The following C18orf63 variants were observed in gnomAD, a reference collection of about 807,000 sequenced individuals.
C18orf63 encodes chromosome 18 open reading frame 63.
In C18orf63, 50 loss-of-function variants were observed where a neutral mutation model predicts 75.3. The ratio of observed to expected loss-of-function variants is 0.66; its 90% CI spans 0.53 to 0.84. The LOEUF is 0.84. Ranked by LOEUF, C18orf63 falls within the 40% of genes least tolerant of loss-of-function variation. C18orf63 has a pLI of 0.00. For synonymous variants in C18orf63, 232 were observed against 267.6 expected (o/e 0.87, Z 1.30); for missense variants, 732 against 800.2 (o/e 0.91, Z 1.03).
chr18:74,328,940 A>G, intron 5 of C18orf63, 55 bp from the exon 6 acceptor site: 3 of 952,046 alleles, frequency 3.2e-6, no homozygotes, highest in Non-Finnish European at 4.9e-6. Flanking sequence ...TATAAATATC[A>G]AGCATGATTA....
chr18:74,353,898 A>G lies in C18orf63; in HGVS notation c.1631A>G (p.Asn544Ser). Reference sequence around the variant, plus strand: ...TTAAACAAAAATAAGCAACTATCTAATAGTGCAGTATTTGTGGTGTCAAAT... The same window carrying G: ...TTAAACAAAAATAAGCAACTATCTAGTAGTGCAGTATTTGTGGTGTCAAAT... ...VSLNKNKQLS[N>S]SAVFVVSNNN... The change falls in exon 12 of 14, where the codon AAT becomes AGT. Residue 544 changes from asparagine to serine, a missense_variant. Physicochemically the swap from Asn to Ser is conservative, Grantham distance 46 (BLOSUM62 1). Coordinates refer to ENST00000579455, the MANE Select transcript of C18orf63 (RefSeq NM_001174123.2). 2.6e-6 allele frequency: 4 copies of G among 1,536,000 alleles called. No individual in the cohort carries two copies. The highest frequency in any genetic ancestry group is 3.5e-6 in the Non-Finnish European group (4 of 1,146,818).
At chr18:74,332,550 A>G (rs1359589329) in intron 7 of C18orf63, among the ~76,000 whole-genome samples, 4 of 152,002 alleles carry the variant, frequency 2.6e-5, no homozygotes. Flanking sequence ...TAAAAATACA[A>G]ACATTAGCTG....
chr18:74,316,284 A>G (rs999113514), intron 1 of C18orf63, among the ~76,000 whole-genome samples, 175 bp downstream of exon 1: 2 of 152,094 alleles, frequency 1.3e-5, no homozygotes, highest in Non-Finnish European at 2.9e-5. Flanking sequence ...GCATTTCATT[A>G]TATCGGAAAT....
chr18:74,350,454 A>G (rs756078685), intron 11 of C18orf63, among the ~76,000 whole-genome samples: 5 of 152,206 alleles, frequency 3.3e-5, no homozygotes, highest in Middle Eastern at 3.4e-3. Context: ...TGTTCTTATG[A>G]AAAGGGGCAA....
Position 74,328,046 on chromosome 18 carries a change from C to T in C18orf63, c.370C>T (p.Leu124Phe), listed in dbSNP as rs1815051754. Reference sequence around the variant, plus strand: ...TCCAGCCTGGAATAGAACTGGTCATCTCTTGATACAAGGTAACTTTATCTT... The same window carrying T: ...TCCAGCCTGGAATAGAACTGGTCATTTCTTGATACAAGGTAACTTTATCTT... ...LAPAWNRTGH[L>F]LIQGRDFLSQ... The change falls in exon 5 of 14, where the codon CTC (leucine) becomes TTC (phenylalanine). Residue 124 changes from leucine to phenylalanine, a missense_variant. Leu to Phe is a conservative substitution (Grantham distance 22). This residue lies in a region of C18orf63 where 233 missense variants were observed against 272.7 expected (regional missense o/e 0.85). Coordinates refer to ENST00000579455, the MANE Select transcript of C18orf63 (RefSeq NM_001174123.2). The T allele has an allele frequency of 4.6e-6, 7 of 1,524,604 alleles. 1 individual carries two copies. The Admixed American group carries it at 1.2e-4, about 26-fold the overall frequency. The allele number at this position is 1,524,604 out of a possible 1,614,324, so 94.4% of individuals were successfully genotyped here. A position where few individuals can be genotyped will look rare whatever the true frequency, so the allele number is the denominator to read the frequency against.
In C18orf63 at chr18:74,353,723, G is replaced by C; in HGVS notation, c.1456G>C (p.Ala486Pro). ...IQHDKLNLGP[A>P]IKNRYSSNIQ... Reference sequence around the variant, plus strand: ...GCATGACAAACTGAATTTAGGTCCAGCTATAAAAAACCGTTATAGTAGTAA... The same window carrying C: ...GCATGACAAACTGAATTTAGGTCCACCTATAAAAAACCGTTATAGTAGTAA... Residue 486 changes from alanine (A) to proline (P), a missense_variant, in exon 12 of 14, where the codon GCT (alanine) becomes CCT (proline). Transcript: ENST00000579455. 1 of 1,536,044 alleles carries C rather than the reference G, an allele frequency of 6.5e-7. No homozygotes were observed. The highest frequency in any genetic ancestry group is 2.0e-5 in the Admixed American group (1 of 50,990).
chr18:74,318,820 T>C (rs927009413), intron 2 of C18orf63, among the ~76,000 whole-genome samples: 2 of 150,008 alleles, frequency 1.3e-5, no homozygotes, highest in African/African-American at 2.4e-5. Context: ...GAAAAGCAGC[T>C]TAGAGGAAAC....
At chr18:74,348,069 G>A (rs1984603687) in intron 11 of C18orf63, among the ~76,000 whole-genome samples, 1 of 152,060 alleles carries the variant, frequency 6.6e-6, no homozygotes, top group Non-Finnish European at 1.5e-5. Flanking sequence ...AGTTCACACT[G>A]AAGTTCCCCA....
Position 74,353,883 on chromosome 18 carries a change from A to G in C18orf63, c.1616A>G (p.Asn539Ser), listed in dbSNP as rs1401790400. Residue 539 changes from asparagine to serine, a missense_variant, in exon 12 of 14, where the codon AAT (asparagine) becomes AGT (serine). By Grantham distance (46) the Asn-to-Ser change is conservative. Coordinates refer to ENST00000579455, the MANE Select transcript of C18orf63 (RefSeq NM_001174123.2). ...RGKSTVSLNK[N>S]KQLSNSAVFV... is the part of the protein sequence containing the mutation. Reference sequence around the variant, plus strand: ...AAATCGACTGTGAGTTTAAACAAAAATAAGCAACTATCTAATAGTGCAGTA... The same window carrying G: ...AAATCGACTGTGAGTTTAAACAAAAGTAAGCAACTATCTAATAGTGCAGTA... 2 of 1,535,972 alleles carry G rather than the reference A, an allele frequency of 1.3e-6. No individual in the cohort carries two copies. Among genetic ancestry groups the G allele is most frequent in the African/African-American group, 2.7e-5 (2 of 73,040 alleles).
intron 11 of C18orf63, among the ~76,000 whole-genome samples, chr18:74,344,673 A>AGTAT (rs1217619350): frequency 1.3e-5 from 2 of 152,122 alleles, no homozygotes; most frequent in Non-Finnish European, 2.9e-5. Flanking sequence ...TAAATCATAG[A>AGTAT]GTATGTATTC....
At chr18:74,345,781 C>T (rs148665591) in intron 11 of C18orf63, among the ~76,000 whole-genome samples, 2 of 152,004 alleles carry the variant, frequency 1.3e-5, no homozygotes, top group South Asian at 2.1e-4. Context: ...GCACCAGCAC[C>T]ATGCTTTTAG....
chr18:74,322,978 G>A (rs962904571), intron 4 of C18orf63, among the ~76,000 whole-genome samples: 6 of 152,156 alleles, frequency 3.9e-5, no homozygotes, highest in South Asian at 2.1e-4. Flanking sequence ...CATTTTATGT[G>A]GCATAATCTT....
At chr18:74,319,968 G>A (rs1984091219) in intron 2 of C18orf63, among the ~76,000 whole-genome samples, 1 of 152,152 alleles carries the variant, frequency 6.6e-6, no homozygotes, top group African/African-American at 2.4e-5. Flanking sequence ...TATTGCCTGA[G>A]TACCTACACC....
intron 11 of C18orf63, among the ~76,000 whole-genome samples, chr18:74,348,358 C>T (rs1405025950): frequency 3.5e-5 from 5 of 140,910 alleles, no homozygotes; most frequent in Non-Finnish European, 7.8e-5. Context: ...TATATCTAAG[C>T]TTGACTGAAT....
At position 74,329,301 on chromosome 18, in the gene C18orf63, G is replaced by T. The variant is rs191883715; in HGVS notation, c.424+265G>T. 4.4e-3 allele frequency among the ~76,000 whole-genome samples: 663 copies of T among 150,670 alleles called. 2 individuals carry two copies. In the South Asian group the frequency reaches 0.047, roughly 11 times the overall value. ...GAAGTGGAGAGCCAGTTGAGCACAG[G>T]AGGTTGAGGCTGCAGTGAGCCATGA... On this transcript the variant is annotated intron_variant, in intron 6 of 13. Coordinates refer to ENST00000579455, the MANE Select transcript of C18orf63 (RefSeq NM_001174123.2).
intron 11 of C18orf63, among the ~76,000 whole-genome samples, chr18:74,351,124 T>G (rs559027325): frequency 6.6e-6 from 1 of 152,160 alleles, no homozygotes; most frequent in South Asian, 2.1e-4. Context: ...AGATAAGAAA[T>G]GAATCCCAAT....
chr18:74,338,629 G>T (rs963102703), intron 7 of C18orf63, 86 bp from the exon 8 acceptor site: 3 of 493,314 alleles, frequency 6.1e-6, no homozygotes, highest in Non-Finnish European at 1.0e-5. Flanking sequence ...AACCTACTGT[G>T]TGTGTGTAAC....
At chr18:74,318,477 T>C (rs1332351917) in intron 2 of C18orf63, among the ~76,000 whole-genome samples, 1 of 152,062 alleles carries the variant, frequency 6.6e-6, no homozygotes, top group Non-Finnish European at 1.5e-5. Context: ...AAATATCTGA[T>C]CCCACATAGT....
rs997864765 is a variant in C18orf63, at chr18:74,354,590, A to T, written c.*33+44A>T. 7.1e-6 allele frequency: 7 copies of T among 991,188 alleles called. 1 individual carries two copies. In the South Asian group the frequency reaches 1.2e-4, roughly 17 times the overall value. The allele number at this position is 991,188 out of a possible 1,614,324, so 61.4% of individuals were successfully genotyped here. ...TTTGATTTGTTTTTACATTATCTGA[A>T]TTGGGATTGCCAAGTTTAGGGGTCC... is the stretch of plus-strand genomic sequence containing the variant. On this transcript the variant is annotated intron_variant, in intron 13 of 13. Transcript: ENST00000579455.
Sources: allele counts gnomAD v4.1 joint callset (sites outside exome capture counted in the v4.1 genomes callset), GRCh38; gene constraint gnomAD v4.1.1; regional missense constraint gnomAD v4.1.1; transcripts MANE v1.5; gene names NCBI Gene and HGNC (gene_info 2026-07-23, HGNC 2026-07-21).